The following RPS6KA2 variants were observed in gnomAD, a reference collection of about 807,000 sequenced individuals.
The protein encoded by RPS6KA2 is ribosomal protein S6 kinase A2.
RPS6KA2 carries 42 observed loss-of-function variants against 91.8 expected under a neutral mutation model. That is an observed-to-expected ratio of 0.46 (90% CI 0.36 to 0.59). The LOEUF is 0.59. Ranked by LOEUF, RPS6KA2 falls within the 20% of genes least tolerant of loss-of-function variation. RPS6KA2 has a pLI of 0.00. For missense variants in RPS6KA2, 798 were observed against 978.5 expected (o/e 0.82, Z 2.46); for synonymous variants, 414 against 393.6 (o/e 1.05, Z -0.61).
At chr6:166,611,181 T>C (rs1169036478) in intron 1 of RPS6KA2, among the ~76,000 whole-genome samples, 5 of 152,262 alleles carry the variant, frequency 3.3e-5, no homozygotes, top group Non-Finnish European at 7.3e-5. Flanking sequence ...AAAAGTATTA[T>C]TATATTTTCC....
chr6:166,856,236 T>C (rs986250791), intron 2 of RPS6KA2, among the ~76,000 whole-genome samples: 1 of 152,138 alleles, frequency 6.6e-6, no homozygotes, highest in African/African-American at 2.4e-5. Flanking sequence ...GTGAGAACTG[T>C]GGGAGGTGAT....
intron 19 of RPS6KA2, among the ~76,000 whole-genome samples, chr6:166,415,479 G>A (rs950563675): frequency 3.9e-5 from 6 of 152,190 alleles, no homozygotes; most frequent in African/African-American, 1.2e-4. Flanking sequence ...GGGGAAAGAC[G>A]GGGGATGTGG....
chr6:166,829,826 TTGTC>T (rs565059820), intron 2 of RPS6KA2, among the ~76,000 whole-genome samples: 44 of 152,170 alleles, frequency 2.9e-4, no homozygotes, highest in African/African-American at 1.0e-3. Context: ...GAAAAGGAAT[TTGTC>T]TGGGTGCAGT....
At chr6:166,622,908 G>A (rs953811530) in intron 1 of RPS6KA2, among the ~76,000 whole-genome samples, 1 of 152,180 alleles carries the variant, frequency 6.6e-6, no homozygotes, top group Non-Finnish European at 1.5e-5. Flanking sequence ...GCTCACTGAG[G>A]GCAGGGATCC....
chr6:166,510,380 C>T, intron 3 of RPS6KA2, 23 bp from the exon 4 acceptor site: 3 of 1,493,694 alleles, frequency 2.0e-6, no homozygotes, highest in Non-Finnish European at 2.8e-6. Context: ...AAGATAAAGG[C>T]TTTCATGAGG....
chr6:166,545,643 A>G (rs1783802605), intron 1 of RPS6KA2, among the ~76,000 whole-genome samples: 1 of 151,738 alleles, frequency 6.6e-6, no homozygotes, highest in Admixed American at 6.6e-5. Flanking sequence ...GACTGAGGAG[A>G]GAGGAACCTC....
rs1784391550 is a variant in RPS6KA2 at position 166,563,132 on chromosome 6, T to C, written c.100-24348A>G. ...TGGAAGAGATCCAGCCTGCAATGACTGGAGGGTGGGAGTGGACGAAGTTTA... is the reference window on the plus strand; with the variant it reads ...TGGAAGAGATCCAGCCTGCAATGACCGGAGGGTGGGAGTGGACGAAGTTTA... On this transcript the variant is annotated intron_variant, in intron 1 of 20. Coordinates refer to ENST00000265678, the MANE Select transcript of RPS6KA2 (RefSeq NM_021135.6). The surrounding 1 kb of genome is among the most constrained non-coding windows in gnomAD (Gnocchi z 4.1). Among the ~76,000 whole-genome samples, 1 of 152,170 alleles carries C rather than the reference T, an allele frequency of 6.6e-6. No homozygotes were observed. Among genetic ancestry groups the C allele is most frequent in the South Asian group, 2.1e-4 (1 of 4,824 alleles).
chr6:166,603,964 C>T lies in RPS6KA2; in HGVS notation c.99+22957G>A, dbSNP rs546592565. Among the ~76,000 whole-genome samples the T allele has an allele frequency of 6.6e-6, 1 of 152,130 alleles. No individual in the cohort carries two copies. The highest frequency in any genetic ancestry group is 2.4e-5 in the African/African-American group (1 of 41,412). ...GAGCTAAGAACTTCTCCAACTCGTCCTAACGTGTCCCTCCTAGAAGTCACG... is the reference window on the plus strand; with the variant it reads ...GAGCTAAGAACTTCTCCAACTCGTCTTAACGTGTCCCTCCTAGAAGTCACG... On this transcript the variant is annotated intron_variant, in intron 1 of 20. Transcript: ENST00000265678. This position sits in a 1 kb window ranked among gnomAD's most constrained non-coding sequence, Gnocchi z 4.3.
In RPS6KA2 at chr6:166,500,645, A is replaced by G. The variant is rs955560257; in HGVS notation, c.604+242T>C. 6.6e-6 allele frequency among the ~76,000 whole-genome samples: 1 copy of G among 152,194 alleles called. No homozygotes were observed. Among genetic ancestry groups the G allele is most frequent in the Non-Finnish European group, 1.5e-5 (1 of 68,034 alleles). On this transcript the variant is annotated intron_variant, in intron 7 of 20. Coordinates refer to ENST00000265678, the MANE Select transcript of RPS6KA2 (RefSeq NM_021135.6). This position sits in a 1 kb window ranked among gnomAD's most constrained non-coding sequence, Gnocchi z 4.3. Reference sequence around the variant, plus strand: ...CCAGCGACGCTGAAGGAGCCCAGCAAACAGAACGTGGCAGGGGAGAGGGAA... The same window carrying G: ...CCAGCGACGCTGAAGGAGCCCAGCAGACAGAACGTGGCAGGGGAGAGGGAA...
At chr6:166,522,197 T>C (rs954335956) in intron 3 of RPS6KA2, among the ~76,000 whole-genome samples, 15 of 152,266 alleles carry the variant, frequency 9.9e-5, no homozygotes, top group African/African-American at 3.6e-4. Flanking sequence ...CATACTGTTC[T>C]GTTCTGTTCT....
Position 166,612,414 on chromosome 6 carries a change from T to G in RPS6KA2, c.99+14507A>C, listed in dbSNP as rs1174911159. ...AGTTTTCCTTAGGAGAAAGATGGCA[T>G]GCACCCCTGGGTCACCTGGCAAAGC... is the stretch of plus-strand genomic sequence containing the variant. On this transcript the variant is annotated intron_variant, in intron 1 of 20. Coordinates refer to ENST00000265678, the MANE Select transcript of RPS6KA2 (RefSeq NM_021135.6). This position sits in a 1 kb window ranked among gnomAD's most constrained non-coding sequence, Gnocchi z 4.3. Among the ~76,000 whole-genome samples the G allele has an allele frequency of 2.6e-5, 4 of 152,164 alleles. No individual in the cohort carries two copies. The highest frequency in any genetic ancestry group is 2.1e-4 in the South Asian group (1 of 4,824).
At chr6:166,800,471 T>C (rs1342212091) in intron 2 of RPS6KA2, among the ~76,000 whole-genome samples, 1 of 152,166 alleles carries the variant, frequency 6.6e-6, no homozygotes, top group Admixed American at 6.5e-5. Context: ...AGTGACTAAG[T>C]CATGAGGGCC....
intron 12 of RPS6KA2, among the ~76,000 whole-genome samples, chr6:166,456,478 G>A (rs1353256239): frequency 3.3e-5 from 5 of 152,180 alleles, no homozygotes; most frequent in East Asian, 1.9e-4. Context: ...CTGCCTGATC[G>A]GTTTAAAATC....
intron 2 of RPS6KA2, among the ~76,000 whole-genome samples, chr6:166,818,916 T>C (rs987489993): frequency 1.3e-5 from 2 of 151,972 alleles, no homozygotes; most frequent in African/African-American, 4.8e-5. Flanking sequence ...GCTCCAGACC[T>C]GGAGCCAGCT....
In RPS6KA2 at chr6:166,423,926, AG is replaced by A. The variant is rs1778821767; in HGVS notation, c.1582-510del. On this transcript the variant is annotated intron_variant, in intron 16 of 20. Coordinates refer to ENST00000265678, the MANE Select transcript of RPS6KA2 (RefSeq NM_021135.6). This position sits in a 1 kb window ranked among gnomAD's most constrained non-coding sequence, Gnocchi z 4.8. ...ACGGACCAGGGCCACGCGATCATGC[AG>A]TCACTCTGCAATCATGCTCTGAGGC... is the stretch of plus-strand genomic sequence containing the variant. 6.5e-6 allele frequency: 1 copy of A among 152,958 alleles called. No individual in the cohort carries two copies. 9.5% of individuals were successfully genotyped at this position (152,958 alleles called of 1,614,324 possible).
intron 2 of RPS6KA2, among the ~76,000 whole-genome samples, chr6:166,841,465 T>C (rs1010446424): frequency 6.6e-6 from 1 of 152,192 alleles, no homozygotes; most frequent in Admixed American, 6.5e-5. Flanking sequence ...AGCCTGAAGA[T>C]GAAAGTGTCA....
At chr6:166,570,412 A>T (rs947669400) in intron 1 of RPS6KA2, among the ~76,000 whole-genome samples, 14 of 152,352 alleles carry the variant, frequency 9.2e-5, no homozygotes, top group Admixed American at 3.9e-4. Flanking sequence ...TGTTAGGGTC[A>T]CCAATGACAA....
chr6:166,824,807 A>ACGTGTGTGTCTATG (rs1780004563), intron 2 of RPS6KA2, among the ~76,000 whole-genome samples: 1 of 133,586 alleles, frequency 7.5e-6, no homozygotes, highest in Non-Finnish European at 1.6e-5. Flanking sequence ...CTGTGTGTCT[A>ACGTGTGTGTCTATG]TGTGTGTCTG....
intron 1 of RPS6KA2, among the ~76,000 whole-genome samples, chr6:166,616,534 G>A (rs192148578): frequency 1.7e-4 from 26 of 152,326 alleles, no homozygotes; most frequent in Admixed American, 1.3e-3. Flanking sequence ...GGTGCATGGC[G>A]CACCTTCTAC....
Sources: gnomAD v4.1 joint callset for allele counts (sites outside exome capture counted in the v4.1 genomes callset) on GRCh38, gnomAD v4.1.1 for gene constraint, Gnocchi (gnomAD v3.1) non-coding constraint, MANE v1.5 for transcripts, NCBI Gene and HGNC (gene_info 2026-07-23, HGNC 2026-07-21) for gene names.